HS3ST4: variants seen among roughly 807,000 people sequenced by gnomAD.
The protein encoded by HS3ST4 is heparan sulfate-glucosamine 3-sulfotransferase 4.
Under a neutral mutation model 29.2 loss-of-function variants are expected in HS3ST4, and 17 were observed. The observed-to-expected ratio is 0.58, with a 90% CI of 0.40 to 0.87. HS3ST4 has a LOEUF of 0.87. Among genes scored for constraint, HS3ST4 ranks in the 40% least tolerant of loss-of-function variants. HS3ST4 has a pLI of 0.00. For missense variants in HS3ST4, 627 were observed against 634.5 expected, an observed-to-expected ratio of 0.99 and a Z score of 0.13; for synonymous variants, 314 against 285.7, an observed-to-expected ratio of 1.10 and a Z score of -1.00.
At chr16:25,863,466 G>A (rs1967659369) in intron 1 of HS3ST4, among the ~76,000 whole-genome samples, 1 of 152,142 alleles carries the variant, frequency 6.6e-6, no homozygotes, top group Non-Finnish European at 1.5e-5. Context: ...CAATTTAAGT[G>A]TGATCACATT....
rs989357793 is a variant in HS3ST4 at position 25,942,694 on chromosome 16, C to G, written c.735-192918C>G. 2.0e-5 allele frequency among the ~76,000 whole-genome samples: 3 copies of G among 151,466 alleles called. No homozygotes were observed. The East Asian group carries it at 5.8e-4, about 29-fold the overall frequency. On this transcript the variant is annotated intron_variant, in intron 1 of 1. Coordinates refer to ENST00000331351, the MANE Select transcript of HS3ST4 (RefSeq NM_006040.3). ...AGTGCAGTGGTGTGATTGTGGCTCA[C>G]TGCAGTCTCGAACTTCTGGGTTCTA...
rs1348756496 is a variant in HS3ST4 at position 26,015,689 on chromosome 16, C to T, written c.735-119923C>T. ...TGAACCGTCTTGTTAAGATGAACTA[C>T]TAAGTGTCATCTGAGGGTCCAAGCA... On this transcript the variant is annotated intron_variant, in intron 1 of 1. Coordinates refer to ENST00000331351, the MANE Select transcript of HS3ST4 (RefSeq NM_006040.3). 2.0e-5 allele frequency among the ~76,000 whole-genome samples: 3 copies of T among 152,196 alleles called. No individual in the cohort carries two copies. The South Asian group carries it at 6.2e-4, about 32-fold the overall frequency.
intron 1 of HS3ST4, among the ~76,000 whole-genome samples, chr16:26,085,877 AAATAAT>A (rs57927146): frequency 2.3e-3 from 331 of 146,926 alleles, no homozygotes; most frequent in Middle Eastern, 0.014. Context: ...CTGTCTCTTA[AAATAAT>A]AATAATAATA....
rs147230861 is a variant in HS3ST4, at chr16:25,918,027, G to C, written c.735-217585G>C. On this transcript the variant is annotated intron_variant, in intron 1 of 1. Transcript: ENST00000331351. ...TAACGCATCTTTTTGAGATAGGGTGGGGGGGAGCATCGTCTGTGGGCCAGG... is the reference window on the plus strand; with the variant it reads ...TAACGCATCTTTTTGAGATAGGGTGCGGGGGAGCATCGTCTGTGGGCCAGG... Among the ~76,000 whole-genome samples, 18 of 152,216 alleles carry C rather than the reference G, an allele frequency of 1.2e-4. No individual in the cohort carries two copies. The East Asian group carries it at 2.5e-3, about 21-fold the overall frequency.
At chr16:26,012,988 C>A (rs111344183) in intron 1 of HS3ST4, among the ~76,000 whole-genome samples, 4,557 of 151,990 alleles carry the variant, frequency 0.03, 230 homozygotes, top group African/African-American at 0.097. Context: ...CATGGTGAAA[C>A]CCCATCTCTA....
At chr16:25,909,004 C>G (rs1329286878) in intron 1 of HS3ST4, among the ~76,000 whole-genome samples, 1 of 152,180 alleles carries the variant, frequency 6.6e-6, no homozygotes, top group Non-Finnish European at 1.5e-5. Context: ...CACATGAGTC[C>G]TTGCTCCATC....
chr16:25,749,625 G>T (rs75164413), intron 1 of HS3ST4, among the ~76,000 whole-genome samples: 4,472 of 152,246 alleles, frequency 0.029, 196 homozygotes, highest in East Asian at 0.16. Flanking sequence ...CCTTCTATGT[G>T]AGTTTGGGCA....
chr16:25,862,158 T>C (rs1204882942), intron 1 of HS3ST4, among the ~76,000 whole-genome samples: 1 of 139,914 alleles, frequency 7.1e-6, no homozygotes, highest in Non-Finnish European at 1.5e-5. Flanking sequence ...ATTTTATTTA[T>C]TTACATATTT....
intron 1 of HS3ST4, among the ~76,000 whole-genome samples, chr16:25,899,778 A>C (rs990454627): frequency 6.7e-6 from 1 of 149,396 alleles, no homozygotes; most frequent in African/African-American, 2.5e-5. Flanking sequence ...TAAGGAAAAC[A>C]TGGCAAAAAC....
intron 1 of HS3ST4, among the ~76,000 whole-genome samples, chr16:25,710,833 T>C (rs1371211984): frequency 7.3e-6 from 1 of 136,874 alleles, no homozygotes; most frequent in African/African-American, 2.8e-5. Context: ...TTTTTTTTTT[T>C]AATGACAGGA....
intron 1 of HS3ST4, among the ~76,000 whole-genome samples, chr16:25,903,367 A>ATCT (rs1968141225): frequency 1.7e-5 from 1 of 59,318 alleles, no homozygotes; most frequent in South Asian, 8.1e-4. Flanking sequence ...TGTATATCTT[A>ATCT]TATATATATA....
chr16:25,956,772 G>A (rs1968737136), intron 1 of HS3ST4, among the ~76,000 whole-genome samples: 1 of 152,088 alleles, frequency 6.6e-6, no homozygotes, highest in Admixed American at 6.5e-5. Context: ...GCTGAGGCGG[G>A]CACATCATGA....
intron 1 of HS3ST4, among the ~76,000 whole-genome samples, chr16:25,945,248 A>T (rs1174293565): frequency 6.6e-6 from 1 of 152,224 alleles, no homozygotes; most frequent in Non-Finnish European, 1.5e-5. Flanking sequence ...GTACTTAAGA[A>T]AATTATAACA....
chr16:25,805,801 C>T (rs8048370), intron 1 of HS3ST4, among the ~76,000 whole-genome samples: 2 of 151,896 alleles, frequency 1.3e-5, no homozygotes, highest in Admixed American at 6.6e-5. Context: ...ACCTATCAAC[C>T]GAAGACCTAG....
intron 1 of HS3ST4, among the ~76,000 whole-genome samples, chr16:25,759,999 C>T (rs916171474): frequency 2.0e-5 from 3 of 152,102 alleles, no homozygotes; most frequent in African/African-American, 7.2e-5. Flanking sequence ...GGCTTATAAA[C>T]AGGAAAACTG....
intron 1 of HS3ST4, among the ~76,000 whole-genome samples, chr16:26,122,779 G>A (rs1899292783): frequency 6.6e-6 from 1 of 152,060 alleles, no homozygotes; most frequent in African/African-American, 2.4e-5. Context: ...AACAGGGCTG[G>A]GTGTGGTGGC....
At chr16:25,736,369 G>A in intron 1 of HS3ST4, among the ~76,000 whole-genome samples, 1 of 152,186 alleles carries the variant, frequency 6.6e-6, no homozygotes, top group South Asian at 2.1e-4. Flanking sequence ...ACATCTGTGA[G>A]GTGGAGTTTA....
chr16:25,798,552 A>G (rs894174486), intron 1 of HS3ST4, among the ~76,000 whole-genome samples: 1 of 152,164 alleles, frequency 6.6e-6, no homozygotes, highest in Non-Finnish European at 1.5e-5. Context: ...TTTTTATTTC[A>G]TTGGCTAAAG....
intron 1 of HS3ST4, among the ~76,000 whole-genome samples, chr16:26,022,472 T>C (rs1969423528): frequency 6.6e-6 from 1 of 152,142 alleles, no homozygotes; most frequent in Non-Finnish European, 1.5e-5. Context: ...ACAGTCTTTT[T>C]CTATAAGAGC....
Sources: gnomAD v4.1 joint callset for allele counts (sites outside exome capture counted in the v4.1 genomes callset) on GRCh38, gnomAD v4.1.1 for gene constraint, MANE v1.5 for transcripts, NCBI Gene and HGNC (gene_info 2026-07-23, HGNC 2026-07-21) for gene names.